Variants in DYNC2LI1 observed in about 807,000 individuals in gnomAD.
DYNC2LI1 encodes dynein cytoplasmic 2 light intermediate chain 1, also known as cytoplasmic dynein 2 light intermediate chain 1.
A neutral mutation model predicts 51.9 loss-of-function variants in DYNC2LI1; 45 were observed. The ratio of observed to expected loss-of-function variants is 0.87; its 90% CI spans 0.68 to 1.11. The LOEUF (loss-of-function observed/expected upper bound fraction) is 1.11. DYNC2LI1 is among the 50% of genes most tolerant of loss of function. The probability of loss-of-function intolerance (pLI) is 0.00; values close to 1 mark genes in which losing one functional copy is unlikely to be tolerated. For synonymous variants in DYNC2LI1, 130 were observed against 137.8 expected, an observed-to-expected ratio of 0.94 and a Z score of 0.40; for missense variants, 490 against 417.4, an observed-to-expected ratio of 1.17 and a Z score of -1.51.
At chr2:43,806,797 G>A (rs558787635) in intron 12 of DYNC2LI1, among the ~76,000 whole-genome samples, 1 of 152,062 alleles carries the variant, frequency 6.6e-6, no homozygotes, top group Non-Finnish European at 1.5e-5. Flanking sequence ...ATTTTGTGTG[G>A]AAAAGGAAGG....
chr2:43,800,983 A>G lies in DYNC2LI1; in HGVS notation c.731+66A>G, dbSNP rs1054910535. The G allele has an allele frequency of 3.7e-6, 4 of 1,084,600 alleles. No homozygotes were observed. The Admixed American group carries it at 8.3e-5, about 23-fold the overall frequency. The allele number at this position is 1,084,600 out of a possible 1,614,324, so 67.2% of individuals were successfully genotyped here. On this transcript the variant is annotated intron_variant, in intron 9 of 12. Transcript: ENST00000260605. ...GATTTAGCCAATGTTGTCTCATCTG[A>G]TTATTGTTCTACTCAGTCTCTTGTG...
At chr2:43,820,030 T>G in the DYNC2LI1 span, 1 of 1,614,160 alleles carries the variant, frequency 6.2e-7, no homozygotes, top group Non-Finnish European at 8.5e-7. Flanking sequence ...AATTCACCAA[T>G]TAAGTGGGGG....
chr2:43,826,430 G>A, the DYNC2LI1 span: 6 of 1,613,904 alleles, frequency 3.7e-6, no homozygotes, highest in Non-Finnish European at 5.1e-6. Flanking sequence ...CCACAATTCG[G>A]TTCCTGCGAG....
In DYNC2LI1 at chr2:43,805,889, TC is replaced by T. The variant is rs200575930; in HGVS notation, c.993+644del. 2.5e-3 allele frequency among the ~76,000 whole-genome samples: 368 copies of T among 150,060 alleles called. 1 individual carries two copies. Among genetic ancestry groups the T allele is most frequent in the African/African-American group, 6.8e-3 (278 of 40,776 alleles). On this transcript the variant is annotated intron_variant, in intron 12 of 12. Coordinates refer to ENST00000260605, the MANE Select transcript of DYNC2LI1 (RefSeq NM_016008.4). ...TAGATTTTTCTTTTCTTTTTCTTTT[TC>T]TTTTTTTTTTAAGACGAGTCTCACA...
Position 43,776,910 on chromosome 2 carries a change from C to T in DYNC2LI1, c.126+11C>T. The T allele has an allele frequency of 7.6e-7, 1 of 1,316,320 alleles. No homozygotes were observed. Among genetic ancestry groups the T allele is most frequent in the South Asian group, 1.3e-5 (1 of 79,842 alleles). 81.5% of individuals were successfully genotyped at this position (1,316,320 alleles called of 1,614,324 possible). On this transcript the variant is annotated intron_variant, in intron 2 of 12. Transcript: ENST00000260605. Reference sequence around the variant, plus strand: ...GGCAGTAAAAATGGGGTAATGCTTTCTTTTTTTCAATTATTGTGATGATTT... The same window carrying T: ...GGCAGTAAAAATGGGGTAATGCTTTTTTTTTTTCAATTATTGTGATGATTT...
downstream of DYNC2LI1, chr2:43,810,090 T>C: frequency 1.8e-6 from 1 of 560,886 alleles, no homozygotes; most frequent in Non-Finnish European, 2.3e-6. Context: ...AGTAAGAGTA[T>C]TTGGTTACAG....
chr2:43,813,153 A>G (rs192910356), downstream of DYNC2LI1: 2 of 1,457,574 alleles, frequency 1.4e-6, no homozygotes, highest in Non-Finnish European at 9.6e-7. Context: ...TTTGAAAACA[A>G]CTATTCCTAG....
At chr2:43,796,075 T>A in intron 7 of DYNC2LI1, 117 bp downstream of exon 7, 1 of 750,420 alleles carries the variant, frequency 1.3e-6, no homozygotes, top group African/African-American at 1.8e-5. Context: ...ATCGGTTAAG[T>A]CATGCATCTT....
chr2:43,803,118 T>C (rs1313523003), intron 10 of DYNC2LI1, among the ~76,000 whole-genome samples: 1 of 152,180 alleles, frequency 6.6e-6, no homozygotes, highest in Non-Finnish European at 1.5e-5. Context: ...AACAGTTTCT[T>C]ACGAAACTAA....
chr2:43,797,959 C>G lies in DYNC2LI1; in HGVS notation c.654+1164C>G, dbSNP rs555291110. 4.6e-5 allele frequency among the ~76,000 whole-genome samples: 7 copies of G among 152,102 alleles called. No individual in the cohort carries two copies. The East Asian group carries it at 1.2e-3, about 25-fold the overall frequency. ...TGGGCAACATGGTGAGAACCTGTCT[C>G]TACAAAAAATTTTAAAAATTAGCTG... On this transcript the variant is annotated intron_variant, in intron 8 of 12. Coordinates refer to ENST00000260605, the MANE Select transcript of DYNC2LI1 (RefSeq NM_016008.4).
At position 43,804,740 on chromosome 2, in the gene DYNC2LI1, G is replaced by A. The variant is rs889888293; in HGVS notation, c.900+1G>A. ...GTATGAAAAGCTCTTTCCACCAAAG[G>A]TACATATTTCTAATTTTTTTAAAAG... On this transcript the variant is annotated splice_donor_variant, in intron 11 of 12. Transcript: ENST00000260605. LOFTEE classifies it high-confidence loss of function. 9.4e-6 allele frequency: 15 copies of A among 1,588,654 alleles called. No individual in the cohort carries two copies. The highest frequency in any genetic ancestry group is 1.4e-5 in the African/African-American group (1 of 73,496).
chr2:43,777,364 A>T (rs1673072069), intron 2 of DYNC2LI1, among the ~76,000 whole-genome samples: 1 of 152,230 alleles, frequency 6.6e-6, no homozygotes, highest in African/African-American at 2.4e-5. Flanking sequence ...ACTGATTGGT[A>T]GGAAGGGACC....
At chr2:43,775,854 ATTTTTTTTTTTTTTT>A (rs57868887) in intron 1 of DYNC2LI1, 1,763 of 50,672 alleles carry the variant, frequency 0.035, 94 homozygotes, top group African/African-American at 0.14. Flanking sequence ...CACCTGGCCA[ATTTTTTTTTTTTTTT>A]TTTTTTTTTT....
In DYNC2LI1 at chr2:43,775,692, C is replaced by A. The variant is rs28521420; in HGVS notation, c.9-1090C>A. On this transcript the variant is annotated intron_variant, in intron 1 of 12. Coordinates refer to ENST00000260605, the MANE Select transcript of DYNC2LI1 (RefSeq NM_016008.4). The stretch of plus-strand genomic sequence containing the variant: ...TCTTTTCTTTTTCTTTTTTTATTTT[C>A]TTTTTTTTTTTTTTAGACAGAGTCT... 209 of 326,190 alleles carry A rather than the reference C, an allele frequency of 6.4e-4. 2 individuals are homozygous for A. Among genetic ancestry groups the A allele is most frequent in the African/African-American group, 4.8e-3 (182 of 37,848 alleles). 20.2% of individuals were successfully genotyped at this position (326,190 alleles called of 1,614,324 possible). A position where few individuals can be genotyped will look rare whatever the true frequency, so the allele number is the denominator to read the frequency against.
intron 3 of DYNC2LI1, among the ~76,000 whole-genome samples, chr2:43,786,363 G>A (rs1391151332): frequency 6.6e-6 from 1 of 151,060 alleles, no homozygotes; most frequent in Non-Finnish European, 1.5e-5. Flanking sequence ...CTTTTTTTTT[G>A]TAGAGACAGG....
chr2:43,796,685 A>G, intron 7 of DYNC2LI1, 33 bp from the exon 8 acceptor site: 1 of 1,482,184 alleles, frequency 6.7e-7, no homozygotes, highest in Non-Finnish European at 9.4e-7. Context: ...ATATTTGGTT[A>G]TCTTGACTTT....
At chr2:43,775,806 G>A in intron 1 of DYNC2LI1, 1 of 273,278 alleles carries the variant, frequency 3.7e-6, no homozygotes. Flanking sequence ...TCATGCCTCA[G>A]CCTCCTGAGT....
chr2:43,810,437 T>A (rs983073840), downstream of DYNC2LI1: 20 of 985,286 alleles, frequency 2.0e-5, no homozygotes, highest in Admixed American at 6.8e-4. Flanking sequence ...GTGTTGCGGA[T>A]AACCAGGATT....
At position 43,794,802 on chromosome 2, in the gene DYNC2LI1, CAGTA is replaced by C. The variant is rs1388718812; in HGVS notation, c.507+162_507+165del. 91 of 1,481,264 alleles carry C rather than the reference CAGTA, an allele frequency of 6.1e-5. 1 individual carries two copies. In the East Asian group the frequency reaches 2.0e-3, roughly 33 times the overall value. 91.8% of individuals were successfully genotyped at this position (1,481,264 alleles called of 1,614,324 possible). ...AAATTACAGCAATTTATTAAAACCT[CAGTA>C]AGAGCAAAACAAGGAAGAAGATTCC... is the stretch of plus-strand genomic sequence containing the variant. On this transcript the variant is annotated intron_variant, in intron 6 of 12. Coordinates refer to ENST00000260605, the MANE Select transcript of DYNC2LI1 (RefSeq NM_016008.4).
Sources: gnomAD v4.1 joint callset for allele counts (sites outside exome capture counted in the v4.1 genomes callset) on GRCh38, gnomAD v4.1.1 for gene constraint, MANE v1.5 for transcripts, NCBI Gene and HGNC (gene_info 2026-07-23, HGNC 2026-07-21) for gene names.